Variants in TTC39C observed in about 807,000 individuals in gnomAD.
The protein encoded by TTC39C is tetratricopeptide repeat domain 39C.
Under a neutral mutation model 76.3 loss-of-function variants are expected in TTC39C, and 33 were observed. That is an observed-to-expected ratio of 0.43 (90% CI 0.33 to 0.58). The LOEUF (loss-of-function observed/expected upper bound fraction) is 0.58. Among genes scored for constraint, TTC39C ranks in the 20% least tolerant of loss-of-function variants. The pLI, the probability that TTC39C is intolerant of heterozygous loss-of-function variation, is 0.04. For synonymous variants in TTC39C, 254 were observed against 260.6 expected, an observed-to-expected ratio of 0.97 and a Z score of 0.24; for missense variants, 595 against 701.4, an observed-to-expected ratio of 0.85 and a Z score of 1.71.
At chr18:24,049,812 T>C (rs1223461085) in intron 1 of TTC39C, among the ~76,000 whole-genome samples, 1 of 152,248 alleles carries the variant, frequency 6.6e-6, no homozygotes, top group Non-Finnish European at 1.5e-5. Context: ...AGGAAATAAA[T>C]GGAAACACGG....
chr18:24,014,752 C>A, upstream of TTC39C: 2 of 1,154,494 alleles, frequency 1.7e-6, no homozygotes, highest in South Asian at 4.3e-5. Flanking sequence ...CTCCCCTCCC[C>A]TCCCCTCCCC....
intron 1 of TTC39C, among the ~76,000 whole-genome samples, chr18:24,026,674 G>A (rs1315359745): frequency 6.6e-6 from 1 of 152,228 alleles, no homozygotes; most frequent in East Asian, 1.9e-4. Flanking sequence ...AGGAAGATAC[G>A]AGTCTGAGCG....
intron 6 of TTC39C, 81 bp from the exon 7 acceptor site, chr18:24,114,473 A>G: frequency 9.1e-7 from 1 of 1,093,952 alleles, no homozygotes; most frequent in Non-Finnish European, 1.4e-6. Flanking sequence ...ACTATGAAGG[A>G]AAAAGATGCT....
rs764375668 is a variant in TTC39C, at chr18:24,131,909, C to A, written c.1651C>A (p.Leu551Ile). The change falls in exon 13 of 14, where the codon CTT becomes ATT. Residue 551 changes from leucine to isoleucine, a missense_variant. Coordinates refer to ENST00000317571, the MANE Select transcript of TTC39C (RefSeq NM_001135993.2). ...TGTAGGAAGAGGCAGAGCTCTACTT[C>A]TTCAAGCAAAGGTAAATATCCTGAA... is the stretch of plus-strand genomic sequence containing the variant. ...ETVGRGRALL[L>I]QAKEDFSGYD... The A allele has an allele frequency of 2.5e-6, 4 of 1,613,340 alleles. No individual in the cohort carries two copies.
intron 3 of TTC39C, among the ~76,000 whole-genome samples, chr18:24,067,854 C>A (rs1301047124): frequency 2.0e-5 from 3 of 152,178 alleles, no homozygotes; most frequent in Non-Finnish European, 4.4e-5. Flanking sequence ...GTACAGACTT[C>A]TTAATGTGGC....
chr18:24,079,198 A>G (rs554269373), intron 4 of TTC39C, among the ~76,000 whole-genome samples: 1 of 152,300 alleles, frequency 6.6e-6, no homozygotes, highest in South Asian at 2.1e-4. Context: ...TTATGAGAGA[A>G]CTTTATTTTA....
At chr18:24,115,799 A>T (rs181352202) in intron 7 of TTC39C, among the ~76,000 whole-genome samples, 3 of 152,234 alleles carry the variant, frequency 2.0e-5, no homozygotes, top group African/African-American at 7.2e-5. Flanking sequence ...AGAGGAAATG[A>T]TGTATAATCC....
chr18:24,020,932 A>G (rs2083510692), intron 1 of TTC39C, among the ~76,000 whole-genome samples: 1 of 152,100 alleles, frequency 6.6e-6, no homozygotes, highest in Non-Finnish European at 1.5e-5. Flanking sequence ...TAATATTGAA[A>G]CATGGAAGCA....
chr18:24,042,462 C>T (rs928625875), intron 1 of TTC39C, among the ~76,000 whole-genome samples: 1 of 152,178 alleles, frequency 6.6e-6, no homozygotes, highest in Non-Finnish European at 1.5e-5. Flanking sequence ...TGCTGCTGAT[C>T]TGACAGGAGG....
chr18:24,060,363 G>A (rs1017122836), intron 1 of TTC39C, among the ~76,000 whole-genome samples: 1 of 137,780 alleles, frequency 7.3e-6, no homozygotes, highest in Admixed American at 8.1e-5. Context: ...TGTCGCCCAG[G>A]CTGAAGTGCA....
At chr18:24,121,812 A>G (rs9949780) in intron 8 of TTC39C, among the ~76,000 whole-genome samples, 39,288 of 152,094 alleles carry the variant, frequency 0.26, 5,753 homozygotes, top group African/African-American at 0.39. Flanking sequence ...ACCTTAGGCA[A>G]TGCTCAGCTT....
chr18:24,021,446 T>C (rs937378692), intron 1 of TTC39C, among the ~76,000 whole-genome samples: 7 of 152,172 alleles, frequency 4.6e-5, no homozygotes, highest in Admixed American at 2.6e-4. Context: ...TTATGTAAAA[T>C]TATTCATGCA....
At chr18:24,126,764 C>G (rs1352947281) in intron 10 of TTC39C, among the ~76,000 whole-genome samples, 1 of 152,006 alleles carries the variant, frequency 6.6e-6, no homozygotes, top group Non-Finnish European at 1.5e-5. Flanking sequence ...CCTTTCACCT[C>G]AGTCTCCTGA....
At chr18:24,082,015 G>GTTTTT (rs35218868) in intron 5 of TTC39C, among the ~76,000 whole-genome samples, 7 of 120,774 alleles carry the variant, frequency 5.8e-5, no homozygotes, top group Non-Finnish European at 1.0e-4. Context: ...TCTGGCTGTT[G>GTTTTT]TTTTTTTTTT....
chr18:24,073,440 C>G (rs767111561), intron 4 of TTC39C, among the ~76,000 whole-genome samples: 2 of 152,140 alleles, frequency 1.3e-5, no homozygotes, highest in Non-Finnish European at 2.9e-5. Context: ...GTGGAACACC[C>G]CTACCCCCTT....
intron 6 of TTC39C, among the ~76,000 whole-genome samples, chr18:24,104,806 C>A (rs2084726856): frequency 6.6e-6 from 1 of 151,714 alleles, no homozygotes; most frequent in Admixed American, 6.6e-5. Context: ...TGATGTAGCT[C>A]CTGGACTTTT....
chr18:24,017,179 G>T (rs921570065), intron 1 of TTC39C, among the ~76,000 whole-genome samples: 1 of 152,090 alleles, frequency 6.6e-6, no homozygotes, highest in African/African-American at 2.4e-5. Flanking sequence ...GCTTTCCTTG[G>T]CTCCATCTGA....
chr18:24,015,409 T>A (rs2083442998), intron 1 of TTC39C: 1 of 179,508 alleles, frequency 5.6e-6, no homozygotes, highest in Non-Finnish European at 1.2e-5. Flanking sequence ...GCAGCGAGCC[T>A]GGGACCCGGG....
chr18:24,062,367 G>A (rs114934312), intron 1 of TTC39C, among the ~76,000 whole-genome samples: 2,297 of 152,290 alleles, frequency 0.015, 57 homozygotes, highest in African/African-American at 0.052. Context: ...GCAGAATTCT[G>A]TGTCATCCCT....
Sources: gnomAD v4.1 joint callset for allele counts (sites outside exome capture counted in the v4.1 genomes callset) on GRCh38, gnomAD v4.1.1 for gene constraint, MANE v1.5 for transcripts, NCBI Gene and HGNC (gene_info 2026-07-23, HGNC 2026-07-21) for gene names.